The following STK32B variants were observed in gnomAD, a reference collection of about 807,000 sequenced individuals.
STK32B encodes the protein serine/threonine-protein kinase 32B.
Under a neutral mutation model 52.6 loss-of-function variants are expected in STK32B, and 43 were observed. The observed-to-expected ratio is 0.82, with a 90% confidence interval of 0.64 to 1.05. The LOEUF (loss-of-function observed/expected upper bound fraction) is 1.05. Ranked by LOEUF, STK32B falls within the 50% of genes least tolerant of loss-of-function variation. The pLI is 0.00. For missense variants in STK32B, 621 were observed against 534.6 expected (o/e 1.16, Z -1.59); for synonymous variants, 238 against 204.3 (o/e 1.17, Z -1.41).
At position 5,249,465 on chromosome 4, in the gene STK32B, T is replaced by C. The variant is rs529262873; in HGVS notation, c.260+81015T>C. On this transcript the variant is annotated intron_variant, in intron 3 of 11. Coordinates refer to ENST00000282908, the MANE Select transcript of STK32B (RefSeq NM_018401.3). ...TACCTTCCTTCCTTCCTTCCTTCCT[T>C]CCTTCCTTCCTTCCTTCCTTCCTTC... 8.2e-3 allele frequency among the ~76,000 whole-genome samples: 882 copies of C among 108,146 alleles called. 7 individuals carry two copies. Among genetic ancestry groups the C allele is most frequent in the South Asian group, 0.018 (60 of 3,298 alleles). 70.9% of individuals were successfully genotyped at this position (108,146 alleles called of 152,430 possible).
chr4:5,275,988 A>C (rs917767870), intron 3 of STK32B, among the ~76,000 whole-genome samples: 2 of 152,124 alleles, frequency 1.3e-5, no homozygotes, highest in Non-Finnish European at 2.9e-5. Context: ...CAGCCAGCCT[A>C]TATTTTAAAA....
intron 11 of STK32B, among the ~76,000 whole-genome samples, chr4:5,492,319 G>A (rs1719804722): frequency 6.6e-6 from 1 of 152,016 alleles, no homozygotes; most frequent in Admixed American, 6.6e-5. Flanking sequence ...GGATTCCTAG[G>A]TATTTTATTC....
chr4:5,296,798 C>G (rs1440299987), intron 3 of STK32B, among the ~76,000 whole-genome samples: 1 of 152,118 alleles, frequency 6.6e-6, no homozygotes, highest in Non-Finnish European at 1.5e-5. Context: ...GAATTTGATC[C>G]TGTCATTATG....
intron 4 of STK32B, among the ~76,000 whole-genome samples, chr4:5,370,474 T>C (rs1476882551): frequency 1.3e-5 from 2 of 152,152 alleles, no homozygotes; most frequent in African/African-American, 4.8e-5. Context: ...TCTGTAATGA[T>C]GAACAATCTT....
At chr4:5,462,555 C>T (rs1201867167) in intron 9 of STK32B, among the ~76,000 whole-genome samples, 1 of 152,272 alleles carries the variant, frequency 6.6e-6, no homozygotes, top group East Asian at 1.9e-4. Context: ...ACCTTACTGT[C>T]ACCATCTGTG....
chr4:5,240,733 T>C (rs764229460), intron 3 of STK32B, among the ~76,000 whole-genome samples: 2 of 152,226 alleles, frequency 1.3e-5, no homozygotes, highest in East Asian at 3.8e-4. Context: ...ATGCTGGGAT[T>C]ACAGGAGTGA....
At position 5,500,386 on chromosome 4, in the gene STK32B, A is replaced by C. The variant is rs911361416; in HGVS notation, c.*1303A>C. On this transcript the variant is annotated 3_prime_UTR_variant, in exon 12 of 12. Coordinates refer to ENST00000282908, the MANE Select transcript of STK32B (RefSeq NM_018401.3). The stretch of plus-strand genomic sequence containing the variant: ...TCATAGAATGGCCTTTTTTGTCAGC[A>C]TAATCGTCATCATTATTTAGATACT... 6.6e-6 allele frequency: 1 copy of C among 152,200 alleles called. No homozygotes were observed. Among genetic ancestry groups the C allele is most frequent in the Non-Finnish European group, 1.5e-5 (1 of 68,032 alleles). 9.4% of individuals were successfully genotyped at this position (152,200 alleles called of 1,614,324 possible). A position where few individuals can be genotyped will look rare whatever the true frequency, so the allele number is the denominator to read the frequency against.
intron 3 of STK32B, among the ~76,000 whole-genome samples, chr4:5,306,160 G>A (rs532060929): frequency 5.3e-5 from 8 of 152,104 alleles, no homozygotes; most frequent in Non-Finnish European, 1.2e-4. Context: ...ATGTGCTGAT[G>A]AAAAGAATGT....
chr4:5,069,017 C>T (rs934673232), intron 1 of STK32B, among the ~76,000 whole-genome samples: 1 of 152,114 alleles, frequency 6.6e-6, no homozygotes, highest in Admixed American at 6.6e-5. Context: ...CTTTTGTAGA[C>T]CTTTAGTTTG....
intron 9 of STK32B, among the ~76,000 whole-genome samples, chr4:5,465,873 G>A (rs1406441765): frequency 6.6e-6 from 1 of 152,124 alleles, no homozygotes; most frequent in Non-Finnish European, 1.5e-5. Flanking sequence ...TTCATGCCTG[G>A]CCCTACTTGG....
At chr4:5,235,416 T>C (rs1724554548) in intron 3 of STK32B, among the ~76,000 whole-genome samples, 1 of 152,174 alleles carries the variant, frequency 6.6e-6, no homozygotes, top group South Asian at 2.1e-4. Flanking sequence ...GGAAAGAGAA[T>C]GACAATGGCG....
chr4:5,201,938 T>C (rs1193237042), intron 3 of STK32B, among the ~76,000 whole-genome samples: 1 of 152,148 alleles, frequency 6.6e-6, no homozygotes, highest in Non-Finnish European at 1.5e-5. Context: ...CCCTGGCCCC[T>C]CCCAAATCTT....
Position 5,188,776 on chromosome 4 carries a change from C to CT in STK32B, c.260+20340dup, listed in dbSNP as rs1344183588. On this transcript the variant is annotated intron_variant, in intron 3 of 11. Coordinates refer to ENST00000282908, the MANE Select transcript of STK32B (RefSeq NM_018401.3). ...TCTCCATGAGGATGATAACTGCCAT[C>CT]TTTTTTTTTTTTTTCTAAGAAGACT... Among the ~76,000 whole-genome samples, 146 of 112,830 alleles carry CT rather than the reference C, an allele frequency of 1.3e-3. 1 individual carries two copies. Among genetic ancestry groups the CT allele is most frequent in the South Asian group, 2.3e-3 (8 of 3,538 alleles). The allele number at this position is 112,830 out of a possible 152,430, so 74.0% of individuals were successfully genotyped here. A position where few individuals can be genotyped will look rare whatever the true frequency, so the allele number is the denominator to read the frequency against.
At chr4:5,437,854 G>T in intron 6 of STK32B, 3 of 946,714 alleles carry the variant, frequency 3.2e-6, no homozygotes, top group Non-Finnish European at 3.8e-6. Flanking sequence ...CTAAGTGCTG[G>T]GATTCTGAAC....
At chr4:5,412,611 T>C (rs1157273384) in intron 5 of STK32B, among the ~76,000 whole-genome samples, 1 of 152,176 alleles carries the variant, frequency 6.6e-6, no homozygotes, top group Non-Finnish European at 1.5e-5. Flanking sequence ...ATATCAGCCT[T>C]GAGACCTTGG....
At chr4:5,036,317 A>G in the STK32B span, among the ~76,000 whole-genome samples, 1 of 152,210 alleles carries the variant, frequency 6.6e-6, no homozygotes, top group African/African-American at 2.4e-5. Flanking sequence ...TGCTCCGTGA[A>G]TACTGGCTGG....
At chr4:5,189,876 C>T (rs994032931) in intron 3 of STK32B, among the ~76,000 whole-genome samples, 4 of 152,224 alleles carry the variant, frequency 2.6e-5, no homozygotes, top group East Asian at 1.9e-4. Flanking sequence ...AGTGGTATTC[C>T]GTTGTTTCAA....
intron 1 of STK32B, among the ~76,000 whole-genome samples, chr4:5,111,062 G>A (rs2108802170): frequency 6.6e-6 from 1 of 152,134 alleles, no homozygotes; most frequent in Non-Finnish European, 1.5e-5. Flanking sequence ...ACCACATTGA[G>A]ATATCATCTT....
chr4:5,311,824 A>G (rs1730305649), intron 3 of STK32B, among the ~76,000 whole-genome samples: 1 of 151,984 alleles, frequency 6.6e-6, no homozygotes. Flanking sequence ...TCACAAGAGA[A>G]TTCTATCAAA....
Sources: gnomAD v4.1 joint callset for allele counts (sites outside exome capture counted in the v4.1 genomes callset) on GRCh38, gnomAD v4.1.1 for gene constraint, MANE v1.5 for transcripts, NCBI Gene and HGNC (gene_info 2026-07-23, HGNC 2026-07-21) for gene names.